The following MUSK variants were observed in gnomAD, a reference collection of about 807,000 sequenced individuals.
MUSK encodes the protein muscle associated receptor tyrosine kinase.
In MUSK, 55 loss-of-function variants were observed where a neutral mutation model predicts 88.7. That is an observed-to-expected ratio of 0.62 (90% CI 0.50 to 0.78). The LOEUF is 0.78. Ranked by LOEUF, MUSK falls within the 30% of genes least tolerant of loss-of-function variation. The probability of loss-of-function intolerance (pLI) is 0.00; values close to 1 mark genes in which losing one functional copy is unlikely to be tolerated. For missense variants in MUSK, 1,015 were observed against 1,074.3 expected (o/e 0.94, Z 0.77); for synonymous variants, 387 against 391.9 (o/e 0.99, Z 0.15).
intron 5 of MUSK, among the ~76,000 whole-genome samples, chr9:110,719,687 A>G (rs745345389): frequency 3.9e-5 from 6 of 152,110 alleles, no homozygotes; most frequent in Non-Finnish European, 5.9e-5. Context: ...GATCATCAGG[A>G]CAGAAAGTCA....
intron 3 of MUSK, among the ~76,000 whole-genome samples, chr9:110,693,653 T>A (rs913112425): frequency 4.7e-4 from 72 of 152,324 alleles, no homozygotes; most frequent in African/African-American, 1.6e-3. Context: ...TGACTTTACA[T>A]TCAATTTCCC....
Position 110,803,105 on chromosome 9 carries a change from C to T in MUSK, c.*2117C>T, listed in dbSNP as rs1050005645. Among the ~76,000 whole-genome samples, 1 of 152,096 alleles carries T rather than the reference C, an allele frequency of 6.6e-6. No individual in the cohort carries two copies. The highest frequency in any genetic ancestry group is 1.5e-5 in the Non-Finnish European group (1 of 68,006). ...TTCAAAGACAGCTTCGGGCTTTCTC[C>T]GCTGATAAAGTTTTGTTGTAAAAGA... is the stretch of plus-strand genomic sequence containing the variant. On this transcript the variant is annotated 3_prime_UTR_variant, in exon 15 of 15. Transcript: ENST00000374448.
At chr9:110,684,181 T>A (rs1291515026) in intron 2 of MUSK, among the ~76,000 whole-genome samples, 1 of 152,148 alleles carries the variant, frequency 6.6e-6, no homozygotes, top group Non-Finnish European at 1.5e-5. Context: ...AGGGGTCTAG[T>A]TTTATTCTTC....
At chr9:110,755,996 A>ATG (rs1564269240) in intron 7 of MUSK, among the ~76,000 whole-genome samples, 16 of 143,398 alleles carry the variant, frequency 1.1e-4, no homozygotes, top group African/African-American at 4.1e-4. Flanking sequence ...ATATATATAT[A>ATG]TGAATTTATT....
Position 110,703,824 on chromosome 9 carries a change from G to A in MUSK, c.628+6358G>A, listed in dbSNP as rs143021772. On this transcript the variant is annotated intron_variant, in intron 5 of 14. Transcript: ENST00000374448. ...TATGAGAGGCAATACTCAAAAACAT[G>A]ATGACTAAGAACTTTCCAGCATTGA... 2.8e-3 allele frequency among the ~76,000 whole-genome samples: 431 copies of A among 152,212 alleles called. 2 individuals carry two copies. The highest frequency in any genetic ancestry group is 0.01 in the African/African-American group (419 of 41,566).
chr9:110,797,478 T>C (rs1369448314), intron 14 of MUSK, among the ~76,000 whole-genome samples: 1 of 152,042 alleles, frequency 6.6e-6, no homozygotes, highest in Non-Finnish European at 1.5e-5. Context: ...TTAGCTGAAG[T>C]TGGGCAGAGG....
intron 3 of MUSK, among the ~76,000 whole-genome samples, chr9:110,690,324 ATATT>A (rs1459219094): frequency 1.0e-5 from 1 of 99,064 alleles, no homozygotes; most frequent in Admixed American, 1.5e-4. Context: ...ATAGAAATAT[ATATT>A]TAAATATAAG....
chr9:110,718,272 G>A (rs752874578), intron 5 of MUSK, among the ~76,000 whole-genome samples: 4 of 151,966 alleles, frequency 2.6e-5, no homozygotes, highest in Non-Finnish European at 5.9e-5. Flanking sequence ...GTTTTTCATG[G>A]TCTAGCTTCA....
At chr9:110,689,566 ATATT>A (rs546884384) in intron 3 of MUSK, among the ~76,000 whole-genome samples, 1 of 88,756 alleles carries the variant, frequency 1.1e-5, no homozygotes, top group East Asian at 2.8e-4. Context: ...TATATTATAT[ATATT>A]TATATATTTT....
chr9:110,728,786 G>A (rs910606171), intron 5 of MUSK: 3 of 1,346,612 alleles, frequency 2.2e-6, no homozygotes, highest in Admixed American at 2.6e-5. Context: ...TATTTTTGTT[G>A]ACCTTATAAA....
chr9:110,751,296 C>A (rs547937557), intron 7 of MUSK, among the ~76,000 whole-genome samples: 3 of 152,252 alleles, frequency 2.0e-5, no homozygotes, highest in Non-Finnish European at 4.4e-5. Flanking sequence ...AAAACGGCAT[C>A]TTCCAGTGGT....
At chr9:110,766,955 G>A (rs1013904715) in intron 8 of MUSK, among the ~76,000 whole-genome samples, 31 of 152,220 alleles carry the variant, frequency 2.0e-4, no homozygotes, top group African/African-American at 7.2e-4. Context: ...ACAAGTAGAT[G>A]TGTGAAGAGA....
At chr9:110,753,300 C>T (rs1222352400) in intron 7 of MUSK, among the ~76,000 whole-genome samples, 3 of 152,006 alleles carry the variant, frequency 2.0e-5, no homozygotes, top group East Asian at 1.9e-4. Context: ...GGTATGGTGA[C>T]GCATGCCTGT....
At chr9:110,762,133 A>T (rs1398284599) in intron 7 of MUSK, 69 bp from the exon 8 acceptor site, 2 of 1,249,920 alleles carry the variant, frequency 1.6e-6, no homozygotes, top group Non-Finnish European at 1.0e-6. Context: ...ATAAGATGAA[A>T]ATGTACTAAC....
intron 5 of MUSK, among the ~76,000 whole-genome samples, chr9:110,706,847 T>C (rs552040501): frequency 6.6e-6 from 1 of 151,838 alleles, no homozygotes; most frequent in South Asian, 2.1e-4. Flanking sequence ...CTACTAAAAA[T>C]ACAAAAATTA....
At chr9:110,745,333 T>C (rs1442428771) in intron 6 of MUSK, among the ~76,000 whole-genome samples, 1 of 152,136 alleles carries the variant, frequency 6.6e-6, no homozygotes, top group Non-Finnish European at 1.5e-5. Flanking sequence ...AGGGCAACAT[T>C]TGGGGAGATT....
intron 1 of MUSK, among the ~76,000 whole-genome samples, chr9:110,682,472 G>C (rs1164900820): frequency 6.6e-6 from 1 of 152,026 alleles, no homozygotes; most frequent in South Asian, 2.1e-4. Context: ...GCTCTCCTGA[G>C]AGACTTCTCT....
At chr9:110,680,965 C>CATGATCCTTATA (rs1564209118) in intron 1 of MUSK, among the ~76,000 whole-genome samples, 3 of 87,376 alleles carry the variant, frequency 3.4e-5, no homozygotes, top group Admixed American at 1.8e-4. Flanking sequence ...ATATATATAT[C>CATGATCCTTATA]ATATATATGA....
intron 5 of MUSK, among the ~76,000 whole-genome samples, chr9:110,723,508 A>G (rs968035754): frequency 3.3e-4 from 50 of 152,080 alleles, no homozygotes; most frequent in African/African-American, 1.2e-3. Flanking sequence ...AAAAGACTAT[A>G]TATTACGTAC....
Sources: allele counts gnomAD v4.1 joint callset (sites outside exome capture counted in the v4.1 genomes callset), GRCh38; gene constraint gnomAD v4.1.1; transcripts MANE v1.5; gene names NCBI Gene and HGNC (gene_info 2026-07-23, HGNC 2026-07-21).